SLC25A48: variants seen among roughly 807,000 people sequenced by gnomAD.
The protein encoded by SLC25A48 is CTC-321K16.1.
SLC25A48 carries 29 observed loss-of-function variants against 32.2 expected under a neutral mutation model. The observed-to-expected ratio is 0.90, with a 90% CI of 0.67 to 1.23. SLC25A48 has a LOEUF of 1.23. SLC25A48 is among the 50% of genes most tolerant of loss of function. SLC25A48 has a pLI of 0.00. For synonymous variants in SLC25A48, 164 were observed against 172.3 expected (o/e 0.95, Z 0.38); for missense variants, 399 against 422.7 (o/e 0.94, Z 0.49).
At chr5:135,604,037 G>A (rs937775547) in intron 1 of SLC25A48, among the ~76,000 whole-genome samples, 4 of 152,198 alleles carry the variant, frequency 2.6e-5, no homozygotes, top group African/African-American at 4.8e-5. Flanking sequence ...CCCTTGCTGG[G>A]TGCTAAATTC....
At chr5:135,741,365 G>A (rs1309954758) in intron 3 of SLC25A48, among the ~76,000 whole-genome samples, 2 of 152,198 alleles carry the variant, frequency 1.3e-5, no homozygotes, top group Non-Finnish European at 2.9e-5. Context: ...TTTTCCGCAA[G>A]GGCCAATAGA....
chr5:135,835,193 C>A (rs756153764), intron 1 of SLC25A48: 3 of 613,646 alleles, frequency 4.9e-6, no homozygotes, highest in Admixed American at 4.2e-5. Context: ...CCAATGGAGG[C>A]TCCTGGCGGC....
chr5:135,698,343 G>C (rs1055902619), intron 3 of SLC25A48, among the ~76,000 whole-genome samples: 2 of 152,206 alleles, frequency 1.3e-5, no homozygotes, highest in African/African-American at 4.8e-5. Flanking sequence ...TTGGCTGGTG[G>C]TTCTTAAGCC....
intron 3 of SLC25A48, among the ~76,000 whole-genome samples, chr5:135,673,327 G>A (rs1297730359): frequency 6.6e-6 from 1 of 152,184 alleles, no homozygotes; most frequent in Admixed American, 6.5e-5. Flanking sequence ...AAGTGACTAT[G>A]CCTTATTGTA....
chr5:135,630,467 A>G (rs1396218323), intron 2 of SLC25A48, among the ~76,000 whole-genome samples: 1 of 150,908 alleles, frequency 6.6e-6, no homozygotes, highest in African/African-American at 2.4e-5. Context: ...GCATCCAGGG[A>G]TGGGGACTTC....
At chr5:135,869,873 T>C (rs1475187451) in intron 4 of SLC25A48, among the ~76,000 whole-genome samples, 1 of 152,166 alleles carries the variant, frequency 6.6e-6, no homozygotes, top group African/African-American at 2.4e-5. Flanking sequence ...CTGTCCACAC[T>C]GAAGTTGGCC....
intron 3 of SLC25A48, among the ~76,000 whole-genome samples, chr5:135,660,997 C>CAG (rs1753382394): frequency 6.6e-6 from 1 of 152,236 alleles, no homozygotes; most frequent in African/African-American, 2.4e-5. Flanking sequence ...CTTCAAGGCT[C>CAG]AGACTCTGGA....
intron 3 of SLC25A48, among the ~76,000 whole-genome samples, chr5:135,761,668 A>T (rs1270777083): frequency 3.9e-5 from 6 of 152,184 alleles, no homozygotes; most frequent in Non-Finnish European, 1.5e-5. Context: ...CCATCACCAG[A>T]AGATTGTTTT....
At chr5:135,770,664 G>A (rs115103047) in intron 3 of SLC25A48, among the ~76,000 whole-genome samples, 1,857 of 151,594 alleles carry the variant, frequency 0.012, 37 homozygotes, top group African/African-American at 0.042. Flanking sequence ...ACACCCCCTC[G>A]CGATATTGTT....
At chr5:135,596,044 C>G (rs1481557809) in intron 1 of SLC25A48, among the ~76,000 whole-genome samples, 1 of 152,232 alleles carries the variant, frequency 6.6e-6, no homozygotes, top group Non-Finnish European at 1.5e-5. Flanking sequence ...CTTGCCAGAA[C>G]TGCCTCACTT....
At chr5:135,824,020 A>G (rs1757959671) in intron 4 of SLC25A48, among the ~76,000 whole-genome samples, 1 of 152,182 alleles carries the variant, frequency 6.6e-6, no homozygotes, top group Non-Finnish European at 1.5e-5. Flanking sequence ...CAGATAAGAC[A>G]GATAAGACCA....
At chr5:135,752,661 T>C (rs1426251898) in intron 3 of SLC25A48, among the ~76,000 whole-genome samples, 1 of 152,160 alleles carries the variant, frequency 6.6e-6, no homozygotes, top group Non-Finnish European at 1.5e-5. Context: ...CTCTATGATA[T>C]GAAAAATAAC....
chr5:135,677,130 A>G (rs1472459636), intron 3 of SLC25A48, among the ~76,000 whole-genome samples: 3 of 151,948 alleles, frequency 2.0e-5, no homozygotes, highest in East Asian at 3.8e-4. Context: ...ATGAATCTGA[A>G]TGCTCTAGTG....
At chr5:135,662,691 C>A (rs1440059577) in intron 3 of SLC25A48, among the ~76,000 whole-genome samples, 7 of 71,542 alleles carry the variant, frequency 9.8e-5, no homozygotes, top group Non-Finnish European at 2.4e-4. Context: ...CAGCTTTTGA[C>A]CTGCCTCTCC....
intron 1 of SLC25A48, among the ~76,000 whole-genome samples, chr5:135,602,200 T>C (rs1028714351): frequency 2.0e-5 from 3 of 152,218 alleles, no homozygotes; most frequent in Non-Finnish European, 2.9e-5. Flanking sequence ...TCGTATATGC[T>C]TGTATGTGCT....
intron 3 of SLC25A48, among the ~76,000 whole-genome samples, chr5:135,638,048 C>G: frequency 6.6e-6 from 1 of 152,194 alleles, no homozygotes; most frequent in Non-Finnish European, 1.5e-5. Context: ...AGCCACGGAA[C>G]AGTTGTGACA....
chr5:135,820,738 C>T (rs190881959), intron 4 of SLC25A48, among the ~76,000 whole-genome samples: 124 of 152,228 alleles, frequency 8.1e-4, no homozygotes, highest in Non-Finnish European at 1.0e-3. Flanking sequence ...GACGTTGAGT[C>T]GAGTGACTAT....
intron 3 of SLC25A48, among the ~76,000 whole-genome samples, chr5:135,712,762 A>C (rs1754697246): frequency 6.6e-6 from 1 of 152,228 alleles, no homozygotes; most frequent in Non-Finnish European, 1.5e-5. Flanking sequence ...ACTTGGGGCA[A>C]ACCTGCCCTT....
At chr5:135,616,191 A>C (rs1400013443) in intron 1 of SLC25A48, among the ~76,000 whole-genome samples, 5 of 152,202 alleles carry the variant, frequency 3.3e-5, no homozygotes, top group Non-Finnish European at 7.3e-5. Context: ...TGGAGCTCCC[A>C]CATGGAGTTT....
Sources: allele counts gnomAD v4.1 joint callset (sites outside exome capture counted in the v4.1 genomes callset), GRCh38; gene constraint gnomAD v4.1.1; transcripts MANE v1.5; gene names NCBI Gene and HGNC (gene_info 2026-07-23, HGNC 2026-07-21).